RBM19: variants seen among roughly 807,000 people sequenced by gnomAD.
RBM19 encodes the protein RNA binding motif protein 19, also known as probable RNA-binding protein 19.
In RBM19, 94 loss-of-function variants were observed where a neutral mutation model predicts 116.8. The observed-to-expected ratio is 0.80, with a 90% confidence interval of 0.68 to 0.95. The LOEUF (loss-of-function observed/expected upper bound fraction) is 0.95. Among genes scored for constraint, RBM19 ranks in the 40% least tolerant of loss-of-function variants. The pLI, the probability that RBM19 is intolerant of heterozygous loss-of-function variation, is 0.00. For synonymous variants in RBM19, 475 were observed against 494.1 expected, an observed-to-expected ratio of 0.96 and a Z score of 0.51; for missense variants, 1,161 against 1,220.7, an observed-to-expected ratio of 0.95 and a Z score of 0.73.
chr12:113,857,454 G>A (rs1031809804), intron 22 of RBM19, among the ~76,000 whole-genome samples: 1 of 152,250 alleles, frequency 6.6e-6, no homozygotes, highest in South Asian at 2.1e-4. Context: ...TTGAACTGCC[G>A]TGGGTGGGAG....
Position 113,898,909 on chromosome 12 carries a change from C to T in RBM19, c.2558+16060G>A, listed in dbSNP as rs1272056585. On this transcript the variant is annotated intron_variant, in intron 21 of 23. Coordinates refer to ENST00000261741, the MANE Select transcript of RBM19 (RefSeq NM_016196.4). The surrounding 1 kb of genome is among the most constrained non-coding windows in gnomAD (Gnocchi z 4.3). ...GAGTTTAAATTTTGTTTGTATTTAACGTGAAATTGTGTTTTGGTTTTATAG... is the reference window on the plus strand; with the variant it reads ...GAGTTTAAATTTTGTTTGTATTTAATGTGAAATTGTGTTTTGGTTTTATAG... Among the ~76,000 whole-genome samples, 2 of 152,074 alleles carry T rather than the reference C, an allele frequency of 1.3e-5. No individual in the cohort carries two copies. Among genetic ancestry groups the T allele is most frequent in the African/African-American group, 4.8e-5 (2 of 41,382 alleles).
intron 21 of RBM19, among the ~76,000 whole-genome samples, chr12:113,891,896 C>T (rs971782130): frequency 4.6e-5 from 7 of 152,298 alleles, no homozygotes; most frequent in African/African-American, 1.4e-4. Flanking sequence ...TCTGTCTTCC[C>T]GCTCATTTCC....
At chr12:113,827,539 G>A (rs1392643303) in intron 23 of RBM19, among the ~76,000 whole-genome samples, 3 of 152,004 alleles carry the variant, frequency 2.0e-5, no homozygotes, top group African/African-American at 4.8e-5. Flanking sequence ...GGGGTGCGTC[G>A]GGAGGACAAG....
At chr12:113,930,999 CACAA>C (rs1042958888) in intron 16 of RBM19, among the ~76,000 whole-genome samples, 16 of 152,100 alleles carry the variant, frequency 1.1e-4, no homozygotes, top group African/African-American at 3.1e-4. Context: ...AAAATACATA[CACAA>C]ACAAAAACCC....
At chr12:113,850,899 G>T in intron 22 of RBM19, among the ~76,000 whole-genome samples, 1 of 152,238 alleles carries the variant, frequency 6.6e-6, no homozygotes, top group Non-Finnish European at 1.5e-5. Context: ...AGAGTAAGTG[G>T]CTGGCACTGT....
At chr12:113,831,232 C>T (rs960687489) in intron 23 of RBM19, among the ~76,000 whole-genome samples, 3 of 150,130 alleles carry the variant, frequency 2.0e-5, no homozygotes, top group African/African-American at 2.4e-5. Flanking sequence ...TAATTTCAGC[C>T]GACAACTTGC....
intron 1 of RBM19, among the ~76,000 whole-genome samples, chr12:113,964,639 A>C (rs1053130608): frequency 6.6e-6 from 1 of 152,232 alleles, no homozygotes; most frequent in African/African-American, 2.4e-5. Context: ...GATAATTAAA[A>C]ACAAGAATAT....
chr12:113,830,582 G>GGGGT (rs1875316558), intron 23 of RBM19, among the ~76,000 whole-genome samples: 2 of 99,724 alleles, frequency 2.0e-5, no homozygotes, highest in Admixed American at 9.4e-5. Flanking sequence ...GGGCGGGGGG[G>GGGGT]GGGGGGGTGG....
intron 21 of RBM19, among the ~76,000 whole-genome samples, chr12:113,866,150 T>C (rs1018716663): frequency 6.6e-6 from 1 of 152,208 alleles, no homozygotes; most frequent in Non-Finnish European, 1.5e-5. Context: ...CTTCTGTTCT[T>C]GCTCTCCCTT....
At chr12:113,923,801 A>G (rs1231280973) in intron 18 of RBM19, among the ~76,000 whole-genome samples, 1 of 152,040 alleles carries the variant, frequency 6.6e-6, no homozygotes, top group African/African-American at 2.4e-5. Flanking sequence ...TGCTGTAACC[A>G]CCAGCACATT....
chr12:113,955,985 TCAGAAACCGGAGG>T (rs1010513701), intron 6 of RBM19, among the ~76,000 whole-genome samples: 1 of 151,962 alleles, frequency 6.6e-6, no homozygotes, highest in Non-Finnish European at 1.5e-5. Context: ...AGGCACGGGG[TCAGAAACCGGAGG>T]CAGGGAGCAG....
At chr12:113,910,840 G>A (rs1024533368) in intron 21 of RBM19, among the ~76,000 whole-genome samples, 3 of 152,136 alleles carry the variant, frequency 2.0e-5, no homozygotes, top group African/African-American at 7.2e-5. Context: ...TCCACCAAAC[G>A]CTTGAGCTCT....
At chr12:113,856,611 C>A (rs1229170392) in intron 22 of RBM19, among the ~76,000 whole-genome samples, 1 of 152,190 alleles carries the variant, frequency 6.6e-6, no homozygotes, top group Non-Finnish European at 1.5e-5. Flanking sequence ...CAGCAGTGAG[C>A]GTTTCCTGGA....
chr12:113,918,350 C>T, intron 20 of RBM19, 42 bp downstream of exon 20: 2 of 1,608,642 alleles, frequency 1.2e-6, no homozygotes, highest in Non-Finnish European at 1.7e-6. Context: ...GCACAGGAAG[C>T]CCCAGCTCGT....
At chr12:113,947,040 T>C (rs144963418) in intron 11 of RBM19, among the ~76,000 whole-genome samples, 30 of 152,358 alleles carry the variant, frequency 2.0e-4, no homozygotes, top group African/African-American at 7.0e-4. Flanking sequence ...GTGGTATCTA[T>C]AGAGATGGAG....
Position 113,937,026 on chromosome 12 carries a change from G to T in RBM19, c.2049C>A (p.Asp683Glu). The change falls in exon 16 of 24, where the codon GAC becomes GAA. Residue 683 changes from aspartate (D) to glutamate (E), a missense_variant. Physicochemically the swap from Asp to Glu is conservative, Grantham distance 45. Coordinates refer to ENST00000261741, the MANE Select transcript of RBM19 (RefSeq NM_016196.4). Reference sequence around the variant, plus strand: ...TCTTACCTGTTTCTGGCTCTGCTGGGTCCTTTTCCATGGGTTCTGAAGGTG... The same window carrying T: ...TCTTACCTGTTTCTGGCTCTGCTGGTTCCTTTTCCATGGGTTCTGAAGGTG... ...QDTPSEPMEKDPAEPETVPDG... is the reference protein window; with the variant it reads ...QDTPSEPMEKEPAEPETVPDG... The T allele has an allele frequency of 1.2e-6, 2 of 1,614,076 alleles. No homozygotes were observed.
intron 21 of RBM19, among the ~76,000 whole-genome samples, chr12:113,861,698 G>A (rs1429359007): frequency 6.6e-6 from 1 of 152,140 alleles, no homozygotes; most frequent in African/African-American, 2.4e-5. Flanking sequence ...ATAATTAAAA[G>A]GTAGAGAAAA....
At chr12:113,836,716 T>C (rs1473966194) in intron 23 of RBM19, among the ~76,000 whole-genome samples, 46 of 152,054 alleles carry the variant, frequency 3.0e-4, no homozygotes, top group Non-Finnish European at 2.9e-5. Flanking sequence ...CTCTGTGCTA[T>C]GCCATGGAGA....
At chr12:113,957,596 A>AAAATAT (rs1872060812) in intron 6 of RBM19, among the ~76,000 whole-genome samples, 186 bp downstream of exon 6, 1 of 152,150 alleles carries the variant, frequency 6.6e-6, no homozygotes, top group Non-Finnish European at 1.5e-5. Flanking sequence ...AATAAAAATA[A>AAAATAT]AAACAGAAAA....
Sources: allele counts gnomAD v4.1 joint callset (sites outside exome capture counted in the v4.1 genomes callset), GRCh38; gene constraint gnomAD v4.1.1; non-coding constraint Gnocchi (gnomAD v3.1); transcripts MANE v1.5; gene names NCBI Gene and HGNC (gene_info 2026-07-23, HGNC 2026-07-21).